Variants in SETD2 observed in about 807,000 individuals in gnomAD.
SETD2 encodes histone-lysine N-methyltransferase SETD2.
SETD2 carries 31 observed loss-of-function variants against 242.1 expected under a neutral mutation model. The observed-to-expected ratio is 0.13, with a 90% confidence interval of 0.10 to 0.17. The LOEUF is 0.17. SETD2 is among the 10% of genes least tolerant of loss of function. The probability of loss-of-function intolerance (pLI) is 1.00; values close to 1 mark genes in which losing one functional copy is unlikely to be tolerated. For synonymous variants in SETD2, 1,006 were observed against 1,066.5 expected (o/e 0.94, Z 1.11); for missense variants, 2,481 against 3,046.3 (o/e 0.81, Z 4.37).
intron 2 of SETD2, among the ~76,000 whole-genome samples, 161 bp downstream of exon 2, chr3:47,126,487 A>G (rs2043332564): frequency 6.6e-6 from 1 of 152,212 alleles, no homozygotes; most frequent in Non-Finnish European, 1.5e-5. Context: ...CCTCACTGGG[A>G]TAAGTTACCA....
chr3:47,046,404 C>A, intron 16 of SETD2, 83 bp downstream of exon 16: 2 of 1,291,702 alleles, frequency 1.5e-6, no homozygotes, highest in Non-Finnish European at 2.0e-6. Context: ...AAATAAAACC[C>A]AAAACAAATC....
At chr3:47,113,774 G>C in intron 5 of SETD2, 102 bp downstream of exon 5, 2 of 1,120,932 alleles carry the variant, frequency 1.8e-6, no homozygotes, top group South Asian at 1.7e-5. Flanking sequence ...GGGAGGTAGA[G>C]GTTCCAGTGA....
Position 47,116,603 on chromosome 3 carries a change from G to A in SETD2, c.4586+20C>T, listed in dbSNP as rs377581761. The A allele has an allele frequency of 4.4e-6, 7 of 1,596,058 alleles. No homozygotes were observed. The highest frequency in any genetic ancestry group is 4.5e-5 in the East Asian group (2 of 44,618). On this transcript the variant is annotated intron_variant, in intron 4 of 20. Transcript: ENST00000409792. ...TTAATAGAAGTGTTGAGCAAAAGCCGAGTATTCTAATTTACTTACCATTCA... is the reference window on the plus strand; with the variant it reads ...TTAATAGAAGTGTTGAGCAAAAGCCAAGTATTCTAATTTACTTACCATTCA...
chr3:47,101,623 T>TGG (rs2042216641), intron 7 of SETD2, 68 bp from the exon 8 acceptor site: 2 of 848,094 alleles, frequency 2.4e-6, no homozygotes, highest in African/African-American at 3.4e-5. Flanking sequence ...TGTGTGTGTG[T>TGG]GTGTGTGTGT....
rs566960077 is a variant in SETD2, at chr3:47,044,494, A to G, written c.7099-1794T>C. ...ATAGTATTTTTAGTCCATCTTCACTAACTGTCCTGTCTAAAGTCATCATCA... is the reference window on the plus strand; with the variant it reads ...ATAGTATTTTTAGTCCATCTTCACTGACTGTCCTGTCTAAAGTCATCATCA... On this transcript the variant is annotated intron_variant, in intron 16 of 20. Coordinates refer to ENST00000409792, the MANE Select transcript of SETD2 (RefSeq NM_014159.7). 7.2e-5 allele frequency among the ~76,000 whole-genome samples: 11 copies of G among 152,116 alleles called. No homozygotes were observed. The South Asian group carries it at 2.3e-3, about 32-fold the overall frequency.
intron 16 of SETD2, among the ~76,000 whole-genome samples, chr3:47,045,324 C>T (rs547164185): frequency 6.6e-5 from 10 of 152,056 alleles, no homozygotes; most frequent in Admixed American, 5.9e-4. Context: ...TTGAGACCAT[C>T]GTGGCTAACA....
At chr3:47,096,853 T>G (rs767606783) in intron 9 of SETD2, among the ~76,000 whole-genome samples, 10 of 152,190 alleles carry the variant, frequency 6.6e-5, no homozygotes, top group Non-Finnish European at 1.2e-4. Flanking sequence ...TTTGTTCATG[T>G]TGGGTGGTGG....
At chr3:47,082,290 G>A (rs1298397767) in intron 12 of SETD2, among the ~76,000 whole-genome samples, 1 of 152,166 alleles carries the variant, frequency 6.6e-6, no homozygotes, top group East Asian at 1.9e-4. Flanking sequence ...TAAACTACTG[G>A]TCTACAACCC....
intron 12 of SETD2, among the ~76,000 whole-genome samples, chr3:47,077,970 T>C (rs1200872144): frequency 3.3e-5 from 5 of 152,076 alleles, no homozygotes; most frequent in Non-Finnish European, 7.4e-5. Context: ...TATAAATCAA[T>C]GAATGAACAA....
At chr3:47,061,960 A>C (rs1040946429) in intron 14 of SETD2, among the ~76,000 whole-genome samples, 12 of 152,208 alleles carry the variant, frequency 7.9e-5, no homozygotes, top group Admixed American at 2.6e-4. Flanking sequence ...CAAGAATCAA[A>C]ACCTATTAAT....
chr3:47,128,691 G>A (rs1356334696), intron 1 of SETD2, among the ~76,000 whole-genome samples: 1 of 152,134 alleles, frequency 6.6e-6, no homozygotes, highest in African/African-American at 2.4e-5. Context: ...CCTCATAAAT[G>A]TGATGTTAGC....
intron 14 of SETD2, among the ~76,000 whole-genome samples, chr3:47,059,673 C>G (rs554790204): frequency 6.6e-6 from 1 of 152,152 alleles, no homozygotes; most frequent in Non-Finnish European, 1.5e-5. Context: ...TCGCCTCGGC[C>G]TCCCAAAGTG....
chr3:47,034,547 T>C (rs2038918706), intron 18 of SETD2, among the ~76,000 whole-genome samples: 1 of 152,220 alleles, frequency 6.6e-6, no homozygotes, highest in East Asian at 1.9e-4. Context: ...CCTATAGTCC[T>C]AGCCACTCAG....
chr3:47,106,526 A>AAAAAAAAAAAAAAAAAAAC (rs1559726485), intron 5 of SETD2, among the ~76,000 whole-genome samples: 1 of 133,262 alleles, frequency 7.5e-6, no homozygotes, highest in African/African-American at 2.7e-5. Flanking sequence ...AAAAAAAAAA[A>AAAAAAAAAAAAAAAAAAAC]GGCAGCCGGG....
chr3:47,128,525 C>T (rs772066678), intron 1 of SETD2, among the ~76,000 whole-genome samples: 1 of 152,220 alleles, frequency 6.6e-6, no homozygotes, highest in Non-Finnish European at 1.5e-5. Flanking sequence ...GTAGGCCTAA[C>T]TTCATCATAA....
chr3:47,064,108 T>C (rs1309008993), intron 13 of SETD2, among the ~76,000 whole-genome samples: 1 of 152,234 alleles, frequency 6.6e-6, no homozygotes, highest in Non-Finnish European at 1.5e-5. Context: ...ATTTCTCTCA[T>C]AGGACAAGGA....
upstream of SETD2, chr3:47,164,494 G>A (rs1391980360): frequency 6.6e-6 from 1 of 152,158 alleles, no homozygotes; most frequent in Non-Finnish European, 1.5e-5. The surrounding 1 kb of genome is among the most constrained non-coding windows in gnomAD (Gnocchi z 5.4). Flanking sequence ...AGACACCCGA[G>A]ACATCAGCCT....
chr3:47,024,611 C>G (rs1445767061), intron 18 of SETD2, among the ~76,000 whole-genome samples: 1 of 152,210 alleles, frequency 6.6e-6, no homozygotes, highest in African/African-American at 2.4e-5. Context: ...CAGATCACAC[C>G]ACTGCACTCC....
chr3:47,155,939 A>G (rs1275570355), intron 1 of SETD2, among the ~76,000 whole-genome samples: 2 of 152,188 alleles, frequency 1.3e-5, no homozygotes, highest in Non-Finnish European at 2.9e-5. Context: ...GGGTTTTACA[A>G]TAATAGTTCT....
Sources: gnomAD v4.1 joint callset for allele counts (sites outside exome capture counted in the v4.1 genomes callset) on GRCh38, gnomAD v4.1.1 for gene constraint, Gnocchi (gnomAD v3.1) non-coding constraint, MANE v1.5 for transcripts, NCBI Gene and HGNC (gene_info 2026-07-23, HGNC 2026-07-21) for gene names.